SLC39A12: variants seen among roughly 807,000 people sequenced by gnomAD.
The protein encoded by SLC39A12 is zinc transporter ZIP12.
Under a neutral mutation model 71.1 loss-of-function variants are expected in SLC39A12, and 63 were observed. The ratio of observed to expected loss-of-function variants is 0.89; its 90% CI spans 0.72 to 1.09. The LOEUF (loss-of-function observed/expected upper bound fraction) is 1.09, where lower values mean the gene tolerates loss of function less well. Among genes scored for constraint, SLC39A12 ranks in the 50% least tolerant of loss-of-function variants. SLC39A12 has a pLI of 0.00. For synonymous variants in SLC39A12, 351 were observed against 301.3 expected, an observed-to-expected ratio of 1.16 and a Z score of -1.71; for missense variants, 892 against 812.6, an observed-to-expected ratio of 1.10 and a Z score of -1.19.
rs28876491 is a variant in SLC39A12 at position 18,035,041 on chromosome 10, T to C, written c.1948-7664T>C. Among the ~76,000 whole-genome samples, 842 of 146,980 alleles carry C rather than the reference T, an allele frequency of 5.7e-3. 8 individuals carry two copies. Among genetic ancestry groups the C allele is most frequent in the African/African-American group, 0.02 (799 of 39,758 alleles). ...CGCTGTTAGTCTGATGGGCTTCCCTTTGAGGGTAACCCGACCTTTCTCTCT... is the reference window on the plus strand; with the variant it reads ...CGCTGTTAGTCTGATGGGCTTCCCTCTGAGGGTAACCCGACCTTTCTCTCT... On this transcript the variant is annotated intron_variant, in intron 12 of 12. Coordinates refer to ENST00000377369, the MANE Select transcript of SLC39A12 (RefSeq NM_001145195.2).
At chr10:17,955,714 G>T (rs868960797) in intron 2 of SLC39A12, among the ~76,000 whole-genome samples, 7 of 152,172 alleles carry the variant, frequency 4.6e-5, no homozygotes, top group Non-Finnish European at 8.8e-5. Flanking sequence ...TGTATAAAAA[G>T]TGAATTTTTT....
chr10:18,022,064 T>A (rs756402646), intron 12 of SLC39A12, among the ~76,000 whole-genome samples: 1 of 152,186 alleles, frequency 6.6e-6, no homozygotes, highest in Non-Finnish European at 1.5e-5. Context: ...TTCTTTTGTG[T>A]TGACCTTGAA....
At chr10:17,988,672 C>A (rs142477914) in intron 7 of SLC39A12, among the ~76,000 whole-genome samples, 139 of 152,276 alleles carry the variant, frequency 9.1e-4, no homozygotes, top group Non-Finnish European at 1.8e-3. Flanking sequence ...TTGGGGTCAG[C>A]CAATGAGGGG....
intron 12 of SLC39A12, among the ~76,000 whole-genome samples, chr10:18,039,023 A>G (rs1292464967): frequency 6.6e-6 from 1 of 152,220 alleles, no homozygotes; most frequent in African/African-American, 2.4e-5. Flanking sequence ...AGTCCACTCA[A>G]AATAATCGTG....
intron 5 of SLC39A12, among the ~76,000 whole-genome samples, chr10:17,979,728 A>G (rs1205977606): frequency 6.6e-6 from 1 of 152,174 alleles, no homozygotes; most frequent in Non-Finnish European, 1.5e-5. Flanking sequence ...CCTCACCCAC[A>G]GGAGTGAGGT....
chr10:17,997,727 T>G (rs1177487724), intron 10 of SLC39A12, among the ~76,000 whole-genome samples: 3 of 152,212 alleles, frequency 2.0e-5, no homozygotes, highest in Non-Finnish European at 4.4e-5. Flanking sequence ...GCTTCAAATA[T>G]TTGATGACTT....
At chr10:18,036,784 A>ATTTTTTTT (rs1277319900) in intron 12 of SLC39A12, among the ~76,000 whole-genome samples, 3 of 7,688 alleles carry the variant, frequency 3.9e-4, no homozygotes, top group Non-Finnish European at 6.1e-4. Context: ...ATATATATAT[A>ATTTTTTTT]TATATATATA....
chr10:17,952,229 C>CAA (rs1391642561), intron 1 of SLC39A12, among the ~76,000 whole-genome samples: 4 of 152,082 alleles, frequency 2.6e-5, no homozygotes, highest in African/African-American at 4.8e-5. Flanking sequence ...CTTAAGCCAT[C>CAA]AACAGAAAGA....
At chr10:18,033,953 G>A (rs1175746358) in intron 12 of SLC39A12, among the ~76,000 whole-genome samples, 2 of 149,698 alleles carry the variant, frequency 1.3e-5, no homozygotes, top group Non-Finnish European at 3.0e-5. Flanking sequence ...CCATGTAGTT[G>A]AGTGGCTTTG....
In SLC39A12 at chr10:17,978,005, T is replaced by G; in HGVS notation, c.855T>G (p.Asp285Glu). 6.2e-7 allele frequency: 1 copy of G among 1,607,756 alleles called. No individual in the cohort carries two copies. Among genetic ancestry groups the G allele is most frequent in the Non-Finnish European group, 8.5e-7 (1 of 1,177,694 alleles). ...QRKQNNIITH[D>E]QDYSNFSSSM... Reference sequence around the variant, plus strand: ...AACAAAACAACATAATAACCCATGATCAGGACTATTCTAATTTCTCTTCAT... The same window carrying G: ...AACAAAACAACATAATAACCCATGAGCAGGACTATTCTAATTTCTCTTCAT... The change falls in exon 5 of 13, where the codon GAT becomes GAG. Residue 285 changes from aspartate (D) to glutamate (E), a missense_variant. Coordinates refer to ENST00000377369, the MANE Select transcript of SLC39A12 (RefSeq NM_001145195.2).
At chr10:17,992,968 T>C (rs543026647) in intron 8 of SLC39A12, among the ~76,000 whole-genome samples, 1 of 152,286 alleles carries the variant, frequency 6.6e-6, no homozygotes, top group Non-Finnish European at 1.5e-5. Context: ...TTTTAGTAAA[T>C]AAAAAGACAG....
intron 5 of SLC39A12, among the ~76,000 whole-genome samples, chr10:17,978,697 A>G (rs1835178244): frequency 6.6e-6 from 1 of 152,180 alleles, no homozygotes; most frequent in Non-Finnish European, 1.5e-5. Flanking sequence ...ATCTTCTAAG[A>G]ATGCCAATAA....
intron 7 of SLC39A12, among the ~76,000 whole-genome samples, chr10:17,990,167 T>C (rs1357859380): frequency 6.6e-6 from 1 of 152,232 alleles, no homozygotes; most frequent in Non-Finnish European, 1.5e-5. Flanking sequence ...TTCCCTATTT[T>C]GTGCAATAAT....
At chr10:18,025,372 ATCCC>A (rs1836648238) in intron 12 of SLC39A12, among the ~76,000 whole-genome samples, 1 of 151,982 alleles carries the variant, frequency 6.6e-6, no homozygotes, top group East Asian at 1.9e-4. Context: ...TCCAAATGCT[ATCCC>A]TCCTCCCTCC....
intron 6 of SLC39A12, among the ~76,000 whole-genome samples, chr10:17,985,123 A>G (rs754294643): frequency 8.5e-5 from 13 of 152,172 alleles, no homozygotes; most frequent in Admixed American, 3.3e-4. Flanking sequence ...GTGGTGGATC[A>G]TTTGAGGTCA....
intron 12 of SLC39A12, among the ~76,000 whole-genome samples, chr10:18,038,018 CAAAAAAAAAAAAAAAA>C (rs763211521): frequency 3.3e-4 from 5 of 14,950 alleles, no homozygotes; most frequent in Admixed American, 2.6e-3. Context: ...GCCTCCATCT[CAAAAAAAAAAAAAAAA>C]AAAAAAAAAA....
chr10:17,972,494 T>G (rs891427625), intron 4 of SLC39A12, among the ~76,000 whole-genome samples: 1 of 152,188 alleles, frequency 6.6e-6, no homozygotes, highest in Admixed American at 6.5e-5. Context: ...TAACAATATT[T>G]GCTTTATGTA....
At chr10:17,967,926 T>C (rs979578640) in intron 4 of SLC39A12, among the ~76,000 whole-genome samples, 3 of 149,306 alleles carry the variant, frequency 2.0e-5, no homozygotes, top group Admixed American at 1.3e-4. Flanking sequence ...TATTTATTTA[T>C]TTATTTCCCT....
intron 10 of SLC39A12, among the ~76,000 whole-genome samples, chr10:17,999,361 A>G (rs2130839594): frequency 6.6e-6 from 1 of 151,808 alleles, no homozygotes; most frequent in African/African-American, 2.4e-5. Context: ...AGTAACTACT[A>G]CTTACACCTG....
Sources: allele counts gnomAD v4.1 joint callset (sites outside exome capture counted in the v4.1 genomes callset), GRCh38; gene constraint gnomAD v4.1.1; transcripts MANE v1.5; gene names NCBI Gene and HGNC (gene_info 2026-07-23, HGNC 2026-07-21).